BMP8B: variants seen among roughly 807,000 people sequenced by gnomAD.
BMP8B encodes the protein bone morphogenetic protein 8b.
Under a neutral mutation model 30.3 loss-of-function variants are expected in BMP8B, and 17 were observed. The observed-to-expected ratio is 0.56, with a 90% CI of 0.38 to 0.84. BMP8B has a LOEUF of 0.84. BMP8B is among the 40% of genes least tolerant of loss of function. BMP8B has a pLI of 0.00. For missense variants in BMP8B, 253 were observed against 494.6 expected (o/e 0.51, Z 4.63); for synonymous variants, 131 against 214.7 (o/e 0.61, Z 3.41).
intron 5 of BMP8B, 136 bp downstream of exon 5, chr1:39,763,576 G>C: frequency 7.7e-7 from 1 of 1,305,052 alleles, no homozygotes; most frequent in Non-Finnish European, 1.0e-6. Context: ...TCTCACTTTA[G>C]AAAACTTGGA....
At chr1:39,782,699 C>T (rs1650730841) in intron 1 of BMP8B, among the ~76,000 whole-genome samples, 1 of 152,024 alleles carries the variant, frequency 6.6e-6, no homozygotes, top group African/African-American at 2.4e-5. Context: ...AACTCCTGAC[C>T]TCAGGTGATC....
chr1:39,784,789 G>A (rs1271957650), intron 1 of BMP8B, among the ~76,000 whole-genome samples: 2 of 107,460 alleles, frequency 1.9e-5, no homozygotes, highest in African/African-American at 6.1e-5. Flanking sequence ...AAATCCAGAC[G>A]GCTCTGTTCA....
rs1649243852 is a variant in BMP8B, at chr1:39,763,124, T to C, written c.1027A>G (p.Asn343Asp). The C allele has an allele frequency of 6.2e-7, 1 of 1,613,988 alleles. No individual in the cohort carries two copies. Among genetic ancestry groups the C allele is most frequent in the East Asian group, 2.2e-5 (1 of 44,852 alleles). The change falls in exon 6 of 7, where the codon AAT becomes GAT. Residue 343 changes from asparagine (N) to aspartate (D), a missense_variant. Around this residue, in one of 7 missense-constraint regions of BMP8B, gnomAD observed 116 missense variants for 142.3 expected, o/e 0.81. Transcript: ENST00000372827. ...ECSFPLDSCM[N>D]ATNHAILQSL... ...TGCAGGATGGCGTGGTTGGTGGCAT[T>C]CATGCAGGAGTCCAGTGGGAAGGAG... is the stretch of plus-strand genomic sequence containing the variant.
Position 39,760,565 on chromosome 1 carries a change from G to A in BMP8B, c.1063C>T (p.His355Tyr). The A allele has an allele frequency of 1.2e-6, 2 of 1,613,558 alleles. No individual in the cohort carries two copies. Among genetic ancestry groups the A allele is most frequent in the Non-Finnish European group, 1.7e-6 (2 of 1,179,958 alleles). The change falls in exon 7 of 7, where the codon CAC becomes TAC. Residue 355 changes from histidine to tyrosine, a missense_variant. Around this residue, in one of 7 missense-constraint regions of BMP8B, gnomAD observed 116 missense variants for 142.3 expected, o/e 0.81. Coordinates refer to ENST00000372827, the MANE Select transcript of BMP8B (RefSeq NM_001720.5). ...GGGACTGCGTCTGGCATCATCAGGT[G>A]CACCTGGCCAGGAAGAGGGCACAGG... ...TNHAILQSLVHLMMPDAVPKA... is the reference protein window; with the variant it reads ...TNHAILQSLVYLMMPDAVPKA...
intron 6 of BMP8B, among the ~76,000 whole-genome samples, 196 bp from the exon 7 acceptor site, chr1:39,760,764 C>A (rs566681308): frequency 6.6e-6 from 1 of 152,266 alleles, no homozygotes; most frequent in African/African-American, 2.4e-5. Context: ...TAGTAACACG[C>A]AGTGCCCAGG....
chr1:39,763,331 A>C, intron 5 of BMP8B, 129 bp from the exon 6 acceptor site: 1 of 925,976 alleles, frequency 1.1e-6, no homozygotes, highest in East Asian at 2.5e-5. Context: ...AACCCCCGGC[A>C]GAAAAGGCTG....
chr1:39,769,182 G>A (rs1413397000), intron 3 of BMP8B, among the ~76,000 whole-genome samples: 16 of 150,320 alleles, frequency 1.1e-4, no homozygotes, highest in Non-Finnish European at 1.5e-5. Flanking sequence ...GCCAGACCCT[G>A]CCTCAAAAAA....
chr1:39,763,025 T>C, intron 6 of BMP8B, 67 bp downstream of exon 6: 1 of 1,569,264 alleles, frequency 6.4e-7, no homozygotes, highest in Non-Finnish European at 8.8e-7. Context: ...CCCAGCCAGC[T>C]GGACCAGACC....
At chr1:39,770,257 G>A (rs1455579172) in intron 3 of BMP8B, 1 of 1,540,000 alleles carries the variant, frequency 6.5e-7, no homozygotes, top group East Asian at 2.3e-5. Flanking sequence ...GGACAGTCAT[G>A]CTGGGACTGA....
chr1:39,771,182 G>A (rs1446644257), intron 3 of BMP8B: 2 of 1,545,742 alleles, frequency 1.3e-6, no homozygotes, highest in South Asian at 1.2e-5. Flanking sequence ...GCAGCCCTGG[G>A]ACAGCGCGAG....
At chr1:39,772,384 T>TTTC (rs1650022486) in intron 3 of BMP8B, among the ~76,000 whole-genome samples, 1 of 89,000 alleles carries the variant, frequency 1.1e-5, no homozygotes, top group Non-Finnish European at 2.2e-5. Flanking sequence ...CCAGGCCCTC[T>TTTC]TTCTTCTCCA....
chr1:39,775,843 G>A (rs1650187378), intron 1 of BMP8B, among the ~76,000 whole-genome samples: 1 of 152,162 alleles, frequency 6.6e-6, no homozygotes, highest in Middle Eastern at 3.4e-3. Flanking sequence ...GGAAGTCGGA[G>A]GGTCTCACTG....
At chr1:39,782,330 G>A (rs888564949) in intron 1 of BMP8B, among the ~76,000 whole-genome samples, 4 of 152,082 alleles carry the variant, frequency 2.6e-5, no homozygotes, top group African/African-American at 9.7e-5. Context: ...AGGCAGCCTG[G>A]TCAGATTCTG....
intron 1 of BMP8B, among the ~76,000 whole-genome samples, chr1:39,776,007 G>A (rs1650202595): frequency 6.6e-6 from 1 of 152,304 alleles, no homozygotes; most frequent in African/African-American, 2.4e-5. Flanking sequence ...GTTGGGGACG[G>A]CACATGAGCT....
Position 39,788,565 on chromosome 1 carries a change from C to G in BMP8B, c.-80G>C, listed in dbSNP as rs1157373318. The stretch of plus-strand genomic sequence containing the variant: ...GCCGACCCAGGGCCTGGGGACGCCC[C>G]GACGGCAAGGAGGCTGGGCTCGGCG... On this transcript the variant is annotated 5_prime_UTR_variant, in exon 1 of 7. Transcript: ENST00000372827. The surrounding 1 kb of genome is among the most constrained non-coding windows in gnomAD (Gnocchi z 5.8). 3 of 987,606 alleles carry G rather than the reference C, an allele frequency of 3.0e-6. No homozygotes were observed. Among genetic ancestry groups the G allele is most frequent in the East Asian group, 1.1e-4 (1 of 9,094 alleles). The allele number at this position is 987,606 out of a possible 1,614,324, so 61.2% of individuals were successfully genotyped here. A position where few individuals can be genotyped will look rare whatever the true frequency, so the allele number is the denominator to read the frequency against.
At position 39,760,552 on chromosome 1, in the gene BMP8B, G is replaced by A; in HGVS notation, c.1076C>T (p.Pro359Leu). 6.2e-7 allele frequency: 1 copy of A among 1,613,884 alleles called. No individual in the cohort carries two copies. The highest frequency in any genetic ancestry group is 1.1e-5 in the South Asian group (1 of 91,076). ...ILQSLVHLMM[P>L]DAVPKACCAP... ...ACAGCACGCCTTGGGGACTGCGTCT[G>A]GCATCATCAGGTGCACCTGGCCAGG... The change falls in exon 7 of 7, where the codon CCA (proline) becomes CTA (leucine). Residue 359 changes from proline to leucine, a missense_variant. Pro to Leu is a moderately conservative substitution (Grantham distance 98). Coordinates refer to ENST00000372827, the MANE Select transcript of BMP8B (RefSeq NM_001720.5).
At position 39,763,402 on chromosome 1, in the gene BMP8B, C is replaced by G. The variant is rs1019761836; in HGVS notation, c.949-200G>C. Among the ~76,000 whole-genome samples, 3 of 145,088 alleles carry G rather than the reference C, an allele frequency of 2.1e-5. 1 individual carries two copies. Among genetic ancestry groups the G allele is most frequent in the African/African-American group, 7.7e-5 (3 of 38,740 alleles). On this transcript the variant is annotated intron_variant, in intron 5 of 6. Transcript: ENST00000372827. ...ACTTTGCGTCCCCTCCCCAGCCGGCCCTCCCCTGCCCACGCCTCCCAGAGC... is the reference window on the plus strand; with the variant it reads ...ACTTTGCGTCCCCTCCCCAGCCGGCGCTCCCCTGCCCACGCCTCCCAGAGC...
intron 1 of BMP8B, among the ~76,000 whole-genome samples, chr1:39,776,581 G>A (rs1650247753): frequency 6.6e-6 from 1 of 152,142 alleles, no homozygotes; most frequent in Non-Finnish European, 1.5e-5. Flanking sequence ...AGCTGTGCGG[G>A]GCAGGGGATG....
In BMP8B at chr1:39,757,456, T is replaced by C. The variant is rs3820618; in HGVS notation, c.*2963A>G. The C allele has an allele frequency of 0.14, 21,904 of 152,318 alleles. 1,666 individuals carry two copies. The highest frequency in any genetic ancestry group is 0.34 in the Middle Eastern group (99 of 294). 9.4% of individuals were successfully genotyped at this position (152,318 alleles called of 1,614,324 possible). A position where few individuals can be genotyped will look rare whatever the true frequency, so the allele number is the denominator to read the frequency against. On this transcript the variant is annotated 3_prime_UTR_variant, in exon 7 of 7. Transcript: ENST00000372827. ...CTCTATTCCTGTTTCTTTGGACCTT[T>C]TCCAGAACATGTTACTTCCCTGCCT...
Sources: gnomAD v4.1 joint callset for allele counts (sites outside exome capture counted in the v4.1 genomes callset) on GRCh38, gnomAD v4.1.1 for gene constraint, gnomAD v4.1.1 regional missense constraint, Gnocchi (gnomAD v3.1) non-coding constraint, MANE v1.5 for transcripts, NCBI Gene and HGNC (gene_info 2026-07-23, HGNC 2026-07-21) for gene names.